The following NTN1 variants were observed in gnomAD, a reference collection of about 807,000 sequenced individuals.
NTN1 encodes netrin 1, also known as netrin-1.
Under a neutral mutation model 54.2 loss-of-function variants are expected in NTN1, and 11 were observed. The ratio of observed to expected loss-of-function variants is 0.20; its 90% CI spans 0.13 to 0.34. NTN1 has a LOEUF of 0.34. Among genes scored for constraint, NTN1 ranks in the 10% least tolerant of loss-of-function variants. NTN1 has a pLI of 1.00. For missense variants in NTN1, 740 were observed against 893.1 expected, an observed-to-expected ratio of 0.83 and a Z score of 2.18; for synonymous variants, 371 against 382.0, an observed-to-expected ratio of 0.97 and a Z score of 0.33.
At chr17:9,139,627 T>G (rs2092291480) in intron 2 of NTN1, among the ~76,000 whole-genome samples, 1 of 152,162 alleles carries the variant, frequency 6.6e-6, no homozygotes, top group South Asian at 2.1e-4. Flanking sequence ...GCTTTTAAGT[T>G]CAGTGAGAGA....
chr17:9,166,426 CT>C (rs1462499552), intron 3 of NTN1, among the ~76,000 whole-genome samples: 1 of 149,160 alleles, frequency 6.7e-6, no homozygotes, highest in African/African-American at 2.5e-5. Flanking sequence ...ACTGCAACCT[CT>C]GCCTCCCAGG....
At chr17:9,083,318 A>G (rs2092078344) in intron 2 of NTN1, among the ~76,000 whole-genome samples, 1 of 151,882 alleles carries the variant, frequency 6.6e-6, no homozygotes, top group Middle Eastern at 3.2e-3. Context: ...CTGGTCTCGA[A>G]CTCCTGACCT....
At chr17:9,117,978 AT>A (rs1166053826) in intron 2 of NTN1, among the ~76,000 whole-genome samples, 1 of 152,034 alleles carries the variant, frequency 6.6e-6, no homozygotes, top group Non-Finnish European at 1.5e-5. Flanking sequence ...GCTGCAAGCA[AT>A]TTCTAGAAAC....
chr17:9,154,692 G>T (rs1274194807), intron 2 of NTN1, among the ~76,000 whole-genome samples: 1 of 152,152 alleles, frequency 6.6e-6, no homozygotes, highest in Non-Finnish European at 1.5e-5. Flanking sequence ...TTATAAACAG[G>T]AGCTGAACAA....
intron 5 of NTN1, among the ~76,000 whole-genome samples, chr17:9,216,477 A>G (rs1056378068): frequency 2.0e-5 from 3 of 152,124 alleles, no homozygotes; most frequent in Non-Finnish European, 2.9e-5. Flanking sequence ...ACAAAGATGA[A>G]TAGTTGTGAC....
intron 2 of NTN1, among the ~76,000 whole-genome samples, chr17:9,113,821 C>T (rs184054668): frequency 5.9e-5 from 9 of 152,072 alleles, no homozygotes; most frequent in East Asian, 1.9e-4. Context: ...AGATGTCCAA[C>T]GATGGGAGAT....
At chr17:9,034,841 C>G (rs894426717) in intron 2 of NTN1, among the ~76,000 whole-genome samples, 1 of 152,202 alleles carries the variant, frequency 6.6e-6, no homozygotes, top group Admixed American at 6.5e-5. Context: ...AACCAGCACC[C>G]GCATCAAGAA....
intron 6 of NTN1, among the ~76,000 whole-genome samples, chr17:9,236,067 C>T (rs527540219): frequency 2.0e-5 from 3 of 151,006 alleles, no homozygotes; most frequent in East Asian, 2.0e-4. Flanking sequence ...GATCATGTCC[C>T]AAAGACCCTA....
chr17:9,026,395 G>GGT (rs372426014), intron 2 of NTN1, among the ~76,000 whole-genome samples: 8 of 148,716 alleles, frequency 5.4e-5, no homozygotes, highest in South Asian at 2.1e-4. Flanking sequence ...TTCTTCCGGG[G>GGT]GGGGGGAACA....
chr17:9,187,909 C>G (rs2092438685), intron 5 of NTN1, among the ~76,000 whole-genome samples: 1 of 152,114 alleles, frequency 6.6e-6, no homozygotes, highest in African/African-American at 2.4e-5. Context: ...TTGAAAGAAG[C>G]CAGACCCAAA....
chr17:9,033,503 A>C (rs1015310075), intron 2 of NTN1, among the ~76,000 whole-genome samples: 2 of 152,222 alleles, frequency 1.3e-5, no homozygotes, highest in African/African-American at 4.8e-5. Flanking sequence ...CAGGCACAGC[A>C]GCTCACACCA....
In NTN1 at chr17:9,243,636, A is replaced by C. The variant is rs948991463; in HGVS notation, c.*3668A>C. The C allele has an allele frequency of 6.6e-6, 1 of 152,074 alleles. No individual in the cohort carries two copies. The highest frequency in any genetic ancestry group is 2.4e-5 in the African/African-American group (1 of 41,392). The allele number at this position is 152,074 out of a possible 1,614,324, so 9.4% of individuals were successfully genotyped here. ...GGGTCTCGCCCCTTGCCAAAAGCCA[A>C]ACCAGTCCCACTCCTGTCATTGGAC... is the stretch of plus-strand genomic sequence containing the variant. On this transcript the variant is annotated 3_prime_UTR_variant, in exon 7 of 7. Transcript: ENST00000173229.
rs80245551 is a variant in NTN1 at position 9,098,443 on chromosome 17, G to A, written c.1019-64370G>A. On this transcript the variant is annotated intron_variant, in intron 2 of 6. Coordinates refer to ENST00000173229, the MANE Select transcript of NTN1 (RefSeq NM_004822.3). ...CAGGTGAATGCCTTAAGGAGCCTGC[G>A]GAGCAGGTCTTGCAGGATGGCTGGG... is the stretch of plus-strand genomic sequence containing the variant. Among the ~76,000 whole-genome samples, 998 of 152,322 alleles carry A rather than the reference G, an allele frequency of 6.6e-3. 10 individuals carry two copies. Among genetic ancestry groups the A allele is most frequent in the African/African-American group, 0.023 (953 of 41,554 alleles).
intron 6 of NTN1, among the ~76,000 whole-genome samples, chr17:9,235,066 G>A (rs1905940414): frequency 2.0e-5 from 3 of 148,918 alleles, no homozygotes; most frequent in African/African-American, 7.4e-5. Context: ...GGGTTCAAGC[G>A]ATTCTCCTGC....
intron 2 of NTN1, among the ~76,000 whole-genome samples, chr17:9,052,114 AG>A (rs1314889927): frequency 2.0e-5 from 3 of 152,132 alleles, no homozygotes; most frequent in Non-Finnish European, 2.9e-5. Context: ...CTGGGATTAC[AG>A]GCACGCGCCA....
At chr17:9,107,427 C>T (rs991599168) in intron 2 of NTN1, among the ~76,000 whole-genome samples, 7 of 152,174 alleles carry the variant, frequency 4.6e-5, no homozygotes, top group African/African-American at 1.4e-4. Context: ...GGCACTTACT[C>T]CCCGGTTATG....
intron 2 of NTN1, 93 bp from the exon 3 acceptor site, chr17:9,162,720 A>C: frequency 8.5e-7 from 1 of 1,179,244 alleles, no homozygotes; most frequent in Non-Finnish European, 1.2e-6. Flanking sequence ...TGGAGAAGGG[A>C]GGAGTTGAGG....
intron 4 of NTN1, among the ~76,000 whole-genome samples, chr17:9,181,114 C>G (rs1198571430): frequency 2.0e-5 from 3 of 152,206 alleles, no homozygotes; most frequent in African/African-American, 7.2e-5. Context: ...GAATCAGAGG[C>G]TGAAGCCTTG....
chr17:9,093,394 A>C (rs997409736), intron 2 of NTN1, among the ~76,000 whole-genome samples: 1 of 151,842 alleles, frequency 6.6e-6, no homozygotes, highest in Admixed American at 6.6e-5. Context: ...ACAAGGTCTC[A>C]CTCTGTTGCC....
Sources: allele counts gnomAD v4.1 joint callset (sites outside exome capture counted in the v4.1 genomes callset), GRCh38; gene constraint gnomAD v4.1.1; transcripts MANE v1.5; gene names NCBI Gene and HGNC (gene_info 2026-07-23, HGNC 2026-07-21).